SNX24: variants seen among roughly 807,000 people sequenced by gnomAD.
SNX24 encodes sorting nexin 24.
A neutral mutation model predicts 28.7 loss-of-function variants in SNX24; 22 were observed. That is an observed-to-expected ratio of 0.77 (90% confidence interval 0.55 to 1.10). The LOEUF is 1.10. SNX24 is among the 50% of genes least tolerant of loss of function. The pLI is 0.00. For synonymous variants in SNX24, 69 were observed against 71.5 expected (o/e 0.96, Z 0.18); for missense variants, 221 against 201.1 (o/e 1.10, Z -0.60).
chr5:122,898,123 A>C (rs1005001245), intron 1 of SNX24, among the ~76,000 whole-genome samples: 1 of 152,156 alleles, frequency 6.6e-6, no homozygotes, highest in Non-Finnish European at 1.5e-5. Flanking sequence ...AAATAATTAC[A>C]TGTGGTTTTT....
intron 3 of SNX24, among the ~76,000 whole-genome samples, chr5:122,953,061 TCTTTCTTC>T (rs1184729676): frequency 2.6e-5 from 4 of 151,934 alleles, no homozygotes; most frequent in Admixed American, 6.6e-5. Context: ...TTTCTTTCTT[TCTTTCTTC>T]CTTTCTTCCT....
chr5:122,955,763 C>T (rs892405943), intron 3 of SNX24, among the ~76,000 whole-genome samples: 4 of 152,204 alleles, frequency 2.6e-5, no homozygotes, highest in African/African-American at 9.7e-5. Context: ...ATCTAAGCTC[C>T]TCACATGGTT....
chr5:122,873,866 A>G (rs991819023), intron 1 of SNX24, among the ~76,000 whole-genome samples: 5 of 151,310 alleles, frequency 3.3e-5, no homozygotes, highest in Non-Finnish European at 5.9e-5. Context: ...CCCAAGTTCA[A>G]GCGATTCTCC....
chr5:122,982,867 G>T (rs1050467583), intron 3 of SNX24, among the ~76,000 whole-genome samples: 2 of 151,948 alleles, frequency 1.3e-5, no homozygotes. Flanking sequence ...ATCTATAATG[G>T]ATAATACATT....
intron 1 of SNX24, among the ~76,000 whole-genome samples, chr5:122,862,673 A>G (rs1182794215): frequency 1.3e-5 from 2 of 151,558 alleles, no homozygotes; most frequent in African/African-American, 2.4e-5. Context: ...AACCCAATGT[A>G]AAACAAGGCA....
At chr5:122,950,457 G>A (rs1297343499) in intron 3 of SNX24, among the ~76,000 whole-genome samples, 3 of 152,106 alleles carry the variant, frequency 2.0e-5, no homozygotes, top group Non-Finnish European at 2.9e-5. Context: ...TTTCTCTGTC[G>A]CTCCTCTCTG....
chr5:122,887,428 C>T (rs1756767139), intron 1 of SNX24, among the ~76,000 whole-genome samples: 1 of 152,106 alleles, frequency 6.6e-6, no homozygotes, highest in African/African-American at 2.4e-5. Flanking sequence ...TTTTATTTAG[C>T]CTTTTCACCA....
At chr5:123,004,874 C>A (rs62377434) in intron 6 of SNX24, among the ~76,000 whole-genome samples, 28,859 of 151,700 alleles carry the variant, frequency 0.19, 3,601 homozygotes, top group Non-Finnish European at 0.29. Context: ...CCCCTCTACC[C>A]ATTCACAATA....
chr5:122,884,529 G>A (rs567931853), intron 1 of SNX24, among the ~76,000 whole-genome samples: 1 of 151,652 alleles, frequency 6.6e-6, no homozygotes, highest in Non-Finnish European at 1.5e-5. Context: ...GGGATTACAG[G>A]TATGAGCCAG....
intron 1 of SNX24, among the ~76,000 whole-genome samples, chr5:122,870,906 G>C (rs1164407023): frequency 6.6e-6 from 1 of 152,180 alleles, no homozygotes; most frequent in Non-Finnish European, 1.5e-5. Context: ...GGTGCACGTC[G>C]TTGTCTGCTA....
Position 122,870,389 on chromosome 5 carries a change from A to G in SNX24, c.60+24696A>G, listed in dbSNP as rs148511341. Among the ~76,000 whole-genome samples the G allele has an allele frequency of 3.9e-3, 599 of 152,354 alleles. 3 individuals are homozygous for G. The highest frequency in any genetic ancestry group is 7.0e-3 in the Non-Finnish European group (474 of 68,036). ...AACAGAGCTGCTCTCCAGAACAGAAAGACCTCAACCCTGCCCACATCTAGT... is the reference window on the plus strand; with the variant it reads ...AACAGAGCTGCTCTCCAGAACAGAAGGACCTCAACCCTGCCCACATCTAGT... On this transcript the variant is annotated intron_variant, in intron 1 of 6. Coordinates refer to ENST00000261369, the MANE Select transcript of SNX24 (RefSeq NM_014035.4).
chr5:122,874,404 GA>G (rs915921369), intron 1 of SNX24, among the ~76,000 whole-genome samples: 1 of 152,224 alleles, frequency 6.6e-6, no homozygotes, highest in African/African-American at 2.4e-5. Flanking sequence ...ATACAATCAA[GA>G]AAGCTGTGTG....
downstream of SNX24, among the ~76,000 whole-genome samples, chr5:123,011,557 T>C (rs1762579199): frequency 6.6e-6 from 1 of 152,240 alleles, no homozygotes; most frequent in Non-Finnish European, 1.5e-5. Flanking sequence ...AAATAACAGA[T>C]GGTTTTCATC....
intron 3 of SNX24, among the ~76,000 whole-genome samples, chr5:122,988,581 T>C (rs1761701738): frequency 6.6e-6 from 1 of 152,194 alleles, no homozygotes; most frequent in Non-Finnish European, 1.5e-5. Flanking sequence ...CACCAGCCAA[T>C]GCTAAATTAT....
intron 1 of SNX24, among the ~76,000 whole-genome samples, chr5:122,851,434 T>C (rs535199010): frequency 2.4e-4 from 36 of 152,346 alleles, no homozygotes; most frequent in Admixed American, 7.2e-4. Flanking sequence ...CCCAAAGTGC[T>C]GGGATTACAG....
At position 123,007,970 on chromosome 5, in the gene SNX24, T is replaced by G; in HGVS notation, c.*221T>G. 5 of 1,263,236 alleles carry G rather than the reference T, an allele frequency of 4.0e-6. No homozygotes were observed. Among genetic ancestry groups the G allele is most frequent in the Non-Finnish European group, 5.0e-6 (5 of 1,000,184 alleles). The allele number at this position is 1,263,236 out of a possible 1,614,324, so 78.3% of individuals were successfully genotyped here. ...GGTGGTCAGGCTAAGGCCAAGTGTT[T>G]AAGAAGTAGAGTGTAGCTGCCAGCG... On this transcript the variant is annotated 3_prime_UTR_variant, in exon 7 of 7. Coordinates refer to ENST00000261369, the MANE Select transcript of SNX24 (RefSeq NM_014035.4).
At chr5:122,926,092 G>C (rs1033075764) in intron 1 of SNX24, among the ~76,000 whole-genome samples, 4 of 152,134 alleles carry the variant, frequency 2.6e-5, no homozygotes, top group African/African-American at 9.7e-5. Flanking sequence ...TGGGGATAGA[G>C]AATTATGGGA....
chr5:122,968,014 A>G (rs1561670859), intron 3 of SNX24, among the ~76,000 whole-genome samples: 1 of 152,224 alleles, frequency 6.6e-6, no homozygotes, highest in South Asian at 2.1e-4. Flanking sequence ...TAATTTGAAC[A>G]TGGATGTTTT....
At chr5:122,989,284 A>T (rs953328801) in intron 3 of SNX24, among the ~76,000 whole-genome samples, 1 of 152,208 alleles carries the variant, frequency 6.6e-6, no homozygotes, top group Non-Finnish European at 1.5e-5. Context: ...ATTATCAGGG[A>T]TTGCATTTCC....
Sources: gnomAD v4.1 joint callset for allele counts (sites outside exome capture counted in the v4.1 genomes callset) on GRCh38, gnomAD v4.1.1 for gene constraint, MANE v1.5 for transcripts, NCBI Gene and HGNC (gene_info 2026-07-23, HGNC 2026-07-21) for gene names.